WDFY4: variants seen among roughly 807,000 people sequenced by gnomAD.
The protein encoded by WDFY4 is WD repeat- and FYVE domain-containing protein 4.
WDFY4 carries 169 observed loss-of-function variants against 351.9 expected under a neutral mutation model. The observed-to-expected ratio is 0.48, with a 90% CI of 0.42 to 0.55. WDFY4 has a LOEUF of 0.55. WDFY4 is among the 20% of genes least tolerant of loss of function. The pLI, the probability that WDFY4 is intolerant of heterozygous loss-of-function variation, is 0.00. For synonymous variants in WDFY4, 1,622 were observed against 1,574.6 expected, an observed-to-expected ratio of 1.03 and a Z score of -0.71; for missense variants, 3,803 against 3,935.6, an observed-to-expected ratio of 0.97 and a Z score of 0.90.
At position 48,965,922 on chromosome 10, in the gene WDFY4, C is replaced by A. The variant is rs535757118; in HGVS notation, c.8437-604C>A. ...ATAGAGTCCAGCAGCAAGGACTCAA[C>A]CAGGCAGCATGGCTCATGCTCAGGG... is the stretch of plus-strand genomic sequence containing the variant. On this transcript the variant is annotated intron_variant, in intron 54 of 61. Coordinates refer to ENST00000325239, the MANE Select transcript of WDFY4 (RefSeq NM_001394531.1). 3.3e-5 allele frequency among the ~76,000 whole-genome samples: 5 copies of A among 152,140 alleles called. No individual in the cohort carries two copies. In the East Asian group the frequency reaches 9.6e-4, roughly 29 times the overall value.
intron 11 of WDFY4, 25 bp from the exon 12 acceptor site, chr10:48,742,943 C>T (rs1477061995): frequency 2.0e-6 from 3 of 1,528,350 alleles, no homozygotes; most frequent in Non-Finnish European, 2.6e-6. Context: ...GGAGTGCACT[C>T]ATTTTGATTT....
chr10:48,970,951 A>G (rs1021978065), intron 57 of WDFY4, among the ~76,000 whole-genome samples: 1 of 152,204 alleles, frequency 6.6e-6, no homozygotes, highest in Non-Finnish European at 1.5e-5. Context: ...AACATTCCAA[A>G]TGCACCAAGG....
At chr10:48,740,249 C>G (rs1242606211) in intron 11 of WDFY4, among the ~76,000 whole-genome samples, 2 of 152,188 alleles carry the variant, frequency 1.3e-5, no homozygotes, top group Admixed American at 6.5e-5. Context: ...CAGGTTCAGA[C>G]GCGTGCCGTA....
chr10:48,796,484 G>C, intron 24 of WDFY4, 34 bp downstream of exon 24: 1 of 1,541,634 alleles, frequency 6.5e-7, no homozygotes, highest in Non-Finnish European at 8.7e-7. Context: ...TCCTTCAGGA[G>C]TGTGTGTGAT....
chr10:48,847,652 C>G (rs978721202), intron 39 of WDFY4, among the ~76,000 whole-genome samples: 1 of 152,040 alleles, frequency 6.6e-6, no homozygotes, highest in African/African-American at 2.4e-5. Context: ...TCCCACCTGT[C>G]TAAGGCTCAC....
At chr10:48,821,640 C>A (rs2067827120) in intron 34 of WDFY4, among the ~76,000 whole-genome samples, 1 of 152,168 alleles carries the variant, frequency 6.6e-6, no homozygotes, top group Admixed American at 6.5e-5. Context: ...AACTTGGTTC[C>A]AGGGCAGCTG....
At chr10:48,702,248 A>G (rs565986456) in intron 1 of WDFY4, among the ~76,000 whole-genome samples, 2 of 152,190 alleles carry the variant, frequency 1.3e-5, no homozygotes, top group Admixed American at 6.5e-5. Flanking sequence ...AGAGCCTCAG[A>G]GCAGCTCCAT....
At position 48,810,880 on chromosome 10, in the gene WDFY4, C is replaced by G. The variant is rs560745580; in HGVS notation, c.5044+145C>G. The G allele has an allele frequency of 2.0e-4, 168 of 820,272 alleles. 1 individual carries two copies. Among genetic ancestry groups the G allele is most frequent in the Non-Finnish European group, 2.8e-4 (157 of 555,010 alleles). The allele number at this position is 820,272 out of a possible 1,614,324, so 50.8% of individuals were successfully genotyped here. ...GAGCCCTGACTCCAAGGCCTACATCCAAATGAGCCCAGCCCCCCTGACATC... is the reference window on the plus strand; with the variant it reads ...GAGCCCTGACTCCAAGGCCTACATCGAAATGAGCCCAGCCCCCCTGACATC... On this transcript the variant is annotated intron_variant, in intron 29 of 61. Transcript: ENST00000325239.
chr10:48,851,199 A>C (rs911292957), intron 39 of WDFY4, among the ~76,000 whole-genome samples: 1 of 152,154 alleles, frequency 6.6e-6, no homozygotes, highest in African/African-American at 2.4e-5. Context: ...GATGGTGTCC[A>C]CCCAAAGAGG....
chr10:48,906,352 C>G (rs1837616550), intron 47 of WDFY4, among the ~76,000 whole-genome samples: 1 of 152,124 alleles, frequency 6.6e-6, no homozygotes, highest in Admixed American at 6.5e-5. Flanking sequence ...CTTTCAGTGA[C>G]AATGGTTGCC....
chr10:48,914,170 G>A (rs769854827), intron 47 of WDFY4: 1 of 1,606,870 alleles, frequency 6.2e-7, no homozygotes, highest in South Asian at 1.1e-5. Flanking sequence ...TTTTAGTAAG[G>A]GAGTGTTAGA....
chr10:48,970,873 G>T (rs75410500), intron 57 of WDFY4, among the ~76,000 whole-genome samples: 1 of 152,198 alleles, frequency 6.6e-6, no homozygotes, highest in Non-Finnish European at 1.5e-5. Context: ...CATGAGCCAG[G>T]AGTCTGAGGA....
At chr10:48,812,630 C>T (rs1005717022) in intron 30 of WDFY4, among the ~76,000 whole-genome samples, 1 of 152,206 alleles carries the variant, frequency 6.6e-6, no homozygotes, top group African/African-American at 2.4e-5. Context: ...GCCTATTGAT[C>T]ACTTTCCTAT....
chr10:48,739,105 TAC>T (rs1333869899), intron 11 of WDFY4, among the ~76,000 whole-genome samples: 1 of 152,260 alleles, frequency 6.6e-6, no homozygotes, highest in Non-Finnish European at 1.5e-5. Flanking sequence ...TTTGCTAATA[TAC>T]ATTTAGCTGT....
intron 13 of WDFY4, among the ~76,000 whole-genome samples, chr10:48,761,328 C>T (rs2065496259): frequency 6.6e-6 from 1 of 152,138 alleles, no homozygotes; most frequent in Non-Finnish European, 1.5e-5. Flanking sequence ...GTGACATGAT[C>T]AGATTTTGCG....
At chr10:48,890,521 C>G in intron 43 of WDFY4, 58 bp from the exon 44 acceptor site, 1 of 1,548,026 alleles carries the variant, frequency 6.5e-7, no homozygotes, top group Non-Finnish European at 8.7e-7. Flanking sequence ...CTGTTTCCCC[C>G]AAGAATCATG....
intron 51 of WDFY4, among the ~76,000 whole-genome samples, chr10:48,948,942 A>G (rs1461985894): frequency 6.6e-6 from 1 of 152,208 alleles, no homozygotes; most frequent in African/African-American, 2.4e-5. Context: ...AACCAACGGG[A>G]TATCTGGGCT....
intron 13 of WDFY4, among the ~76,000 whole-genome samples, chr10:48,764,277 TC>T (rs2065600331): frequency 1.3e-5 from 2 of 152,212 alleles, no homozygotes; most frequent in African/African-American, 2.4e-5. Flanking sequence ...GAGGTTCTTT[TC>T]CCCTCCAAAA....
chr10:48,977,541 T>A (rs1330043155), intron 59 of WDFY4, among the ~76,000 whole-genome samples: 3 of 152,172 alleles, frequency 2.0e-5, no homozygotes, highest in Non-Finnish European at 4.4e-5. Flanking sequence ...CTCATAGGAC[T>A]TTATCTGTGG....
Sources: allele counts gnomAD v4.1 joint callset (sites outside exome capture counted in the v4.1 genomes callset), GRCh38; gene constraint gnomAD v4.1.1; transcripts MANE v1.5; gene names NCBI Gene and HGNC (gene_info 2026-07-23, HGNC 2026-07-21).